Variants in KAZN observed in about 807,000 individuals in gnomAD.
The protein encoded by KAZN is kazrin.
A neutral mutation model predicts 87.4 loss-of-function variants in KAZN; 40 were observed. The ratio of observed to expected loss-of-function variants is 0.46; its 90% CI spans 0.36 to 0.60. KAZN has a LOEUF of 0.60. Among genes scored for constraint, KAZN ranks in the 20% least tolerant of loss-of-function variants. KAZN has a pLI of 0.00. For synonymous variants in KAZN, 466 were observed against 458.3 expected (o/e 1.02, Z -0.22); for missense variants, 898 against 1,073.9 (o/e 0.84, Z 2.29).
chr1:14,729,449 C>A (rs911735709), intron 1 of KAZN, among the ~76,000 whole-genome samples: 1 of 152,128 alleles, frequency 6.6e-6, no homozygotes, highest in Non-Finnish European at 1.5e-5. Context: ...CTTTTATAGG[C>A]GACCCTAATG....
At chr1:14,627,314 T>G (rs1405560126) in intron 1 of KAZN, among the ~76,000 whole-genome samples, 1 of 151,838 alleles carries the variant, frequency 6.6e-6, no homozygotes, top group East Asian at 1.9e-4. Context: ...TTAGTGTGCT[T>G]GAGGGATGCA....
At chr1:15,001,532 A>G (rs1573027717) in intron 2 of KAZN, among the ~76,000 whole-genome samples, 2 of 151,986 alleles carry the variant, frequency 1.3e-5, no homozygotes, top group East Asian at 3.9e-4. Context: ...CATCCTTAAA[A>G]GGGAAGAGCA....
chr1:14,230,381 T>C (rs1342742553), intron 2 of KAZN, among the ~76,000 whole-genome samples: 1 of 152,206 alleles, frequency 6.6e-6, no homozygotes, highest in South Asian at 2.1e-4. Flanking sequence ...TTGAACAGTA[T>C]TATTTTACTA....
intron 13 of KAZN, among the ~76,000 whole-genome samples, chr1:15,109,933 G>GTT (rs1557805790): frequency 5.5e-5 from 7 of 127,490 alleles, no homozygotes; most frequent in Non-Finnish European, 8.4e-5. Flanking sequence ...GGGTGTGTGT[G>GTT]TGTGTGTGTT....
intron 10 of KAZN, among the ~76,000 whole-genome samples, chr1:15,101,180 C>CTCTCTCTCTCTG (rs1374901445): frequency 6.6e-6 from 1 of 151,374 alleles, no homozygotes; most frequent in Non-Finnish European, 1.5e-5. Flanking sequence ...CTCTCTCTCT[C>CTCTCTCTCTCTG]TCTCTCTGCC....
chr1:14,993,285 T>C (rs1435714275), intron 2 of KAZN, among the ~76,000 whole-genome samples: 2 of 151,272 alleles, frequency 1.3e-5, no homozygotes, highest in African/African-American at 2.4e-5. Flanking sequence ...CTGACCAACA[T>C]GGCGAAACAC....
chr1:14,892,077 A>G (rs1429611912), intron 1 of KAZN, among the ~76,000 whole-genome samples: 2 of 152,044 alleles, frequency 1.3e-5, no homozygotes, highest in Non-Finnish European at 2.9e-5. Context: ...CAGACCCCTG[A>G]AGTAAATGCC....
chr1:14,278,290 C>G (rs1183914432), intron 2 of KAZN, among the ~76,000 whole-genome samples: 1 of 147,730 alleles, frequency 6.8e-6, no homozygotes. Flanking sequence ...AGCACTGATT[C>G]CTTTTTTTTT....
chr1:14,025,111 A>G (rs1488197508), intron 1 of KAZN, among the ~76,000 whole-genome samples: 1 of 152,218 alleles, frequency 6.6e-6, no homozygotes. Flanking sequence ...TCCAAACAGA[A>G]CAGGTCACTG....
rs146897850 is a variant in KAZN at position 14,839,771 on chromosome 1, G to A, written c.227-120913G>A. Among the ~76,000 whole-genome samples the A allele has an allele frequency of 5.3e-5, 8 of 152,314 alleles. No individual in the cohort carries two copies. In the East Asian group the frequency reaches 1.5e-3, roughly 29 times the overall value. ...CCTGACGTCCTTGATGGCCAGCACA[G>A]CGTAGATGCTCCATTGATGAAATGA... On this transcript the variant is annotated intron_variant, in intron 1 of 14. Coordinates refer to ENST00000376030, the MANE Select transcript of KAZN (RefSeq NM_201628.3).
rs143018206 is a variant in KAZN at position 14,718,586 on chromosome 1, G to A, written c.226+119363G>A. 3.2e-3 allele frequency among the ~76,000 whole-genome samples: 491 copies of A among 152,252 alleles called. 8 individuals carry two copies. The highest frequency in any genetic ancestry group is 0.011 in the African/African-American group (473 of 41,546). Reference sequence around the variant, plus strand: ...TTTATGTGTCCCTAACATTTAGTTTGCTTTTGGTGCAGCCGCTAAGCTGAC... The same window carrying A: ...TTTATGTGTCCCTAACATTTAGTTTACTTTTGGTGCAGCCGCTAAGCTGAC... On this transcript the variant is annotated intron_variant, in intron 1 of 14. Transcript: ENST00000376030.
chr1:14,795,457 G>A (rs1452690062), intron 1 of KAZN, among the ~76,000 whole-genome samples: 2 of 152,128 alleles, frequency 1.3e-5, no homozygotes, highest in Non-Finnish European at 2.9e-5. Flanking sequence ...TTGTAGGTAG[G>A]TACTATGTAC....
At chr1:14,503,823 C>T (rs1175183433) in intron 2 of KAZN, among the ~76,000 whole-genome samples, 2 of 152,148 alleles carry the variant, frequency 1.3e-5, no homozygotes, top group African/African-American at 4.8e-5. Flanking sequence ...GGGCCAGGGG[C>T]TCACTGCATT....
chr1:15,102,035 C>G (rs956810279), intron 11 of KAZN, among the ~76,000 whole-genome samples: 5 of 152,092 alleles, frequency 3.3e-5, no homozygotes, highest in African/African-American at 1.2e-4. Flanking sequence ...ACGGGCCAGG[C>G]GCTGTGCTCA....
At chr1:14,110,311 C>G (rs1365802589) in intron 1 of KAZN, among the ~76,000 whole-genome samples, 1 of 152,182 alleles carries the variant, frequency 6.6e-6, no homozygotes, top group Non-Finnish European at 1.5e-5. Flanking sequence ...TTTTTGGAGG[C>G]CAAATCCCTC....
chr1:15,065,482 GCCATCCCAGCCCGT>G, intron 7 of KAZN, 134 bp from the exon 8 acceptor site: 1 of 697,744 alleles, frequency 1.4e-6, no homozygotes, highest in Non-Finnish European at 2.4e-6. Context: ...TGGCTTCTCA[GCCATCCCAGCCCGT>G]CCCTGACCCC....
intron 1 of KAZN, among the ~76,000 whole-genome samples, chr1:13,981,093 A>ATATATATATATATATATATATATATATG (rs71272488): frequency 0.13 from 10,086 of 77,466 alleles, 1,346 homozygotes; most frequent in Admixed American, 0.24. Context: ...TACTCTTTAT[A>ATATATATATATATATATATATATATATG]TATATATATA....
intron 1 of KAZN, among the ~76,000 whole-genome samples, chr1:13,981,091 A>ATATATATATATATATATACATATATG (rs1638653119): frequency 9.3e-6 from 1 of 107,676 alleles, no homozygotes; most frequent in African/African-American, 3.7e-5. Context: ...ATTACTCTTT[A>ATATATATATATATATATACATATATG]TATATATATA....
At chr1:14,732,826 G>A (rs1643739198) in intron 1 of KAZN, among the ~76,000 whole-genome samples, 1 of 152,068 alleles carries the variant, frequency 6.6e-6, no homozygotes, top group African/African-American at 2.4e-5. Flanking sequence ...AAATTACTGA[G>A]ACTCTAAGAG....
Sources: gnomAD v4.1 joint callset for allele counts (sites outside exome capture counted in the v4.1 genomes callset) on GRCh38, gnomAD v4.1.1 for gene constraint, MANE v1.5 for transcripts, NCBI Gene and HGNC (gene_info 2026-07-23, HGNC 2026-07-21) for gene names.